The following DIPK1C variants were observed in gnomAD, a reference collection of about 807,000 sequenced individuals.
DIPK1C encodes the protein divergent protein kinase domain 1C.
A neutral mutation model predicts 28.0 loss-of-function variants in DIPK1C; 33 were observed. That is an observed-to-expected ratio of 1.18 (90% confidence interval 0.89 to 1.58). The LOEUF is 1.58. Among genes scored for constraint, DIPK1C ranks in the 40% most tolerant of loss-of-function variants. DIPK1C has a pLI of 0.00. For missense variants in DIPK1C, 569 were observed against 568.5 expected (o/e 1.00, Z -0.01); for synonymous variants, 255 against 248.8 (o/e 1.02, Z -0.23).
chr18:74,438,833 GTCTCTATGGAGTTGTC>G (rs1277946320), intron 3 of DIPK1C, among the ~76,000 whole-genome samples: 1 of 152,186 alleles, frequency 6.6e-6, no homozygotes, highest in Non-Finnish European at 1.5e-5. Flanking sequence ...GGGCTGGGGT[GTCTCTATGGAGTTGTC>G]CCTTAGTGAG....
rs1254352469 is a variant in DIPK1C, at chr18:74,446,760, G to A, written c.722C>T (p.Ala241Val). 6.6e-7 allele frequency: 1 copy of A among 1,524,824 alleles called. No individual in the cohort carries two copies. The highest frequency in any genetic ancestry group is 8.8e-7 in the Non-Finnish European group (1 of 1,133,798). 94.5% of individuals were successfully genotyped at this position (1,524,824 alleles called of 1,614,324 possible). ...CTGGCCACCCCCAGGGGCACCTGGG[G>A]CCCGGTCCAGGGGGAAGAGTGCCCT... ...HHRALFPLDR[A>V]PGAPGGGQAK... The change falls in exon 2 of 4, where the codon GCC (alanine) becomes GTC (valine). Residue 241 changes from alanine to valine, a missense_variant. Coordinates refer to ENST00000343998, the MANE Select transcript of DIPK1C (RefSeq NM_001044369.3).
chr18:74,455,811 G>A (rs906264224), intron 1 of DIPK1C, among the ~76,000 whole-genome samples: 2 of 151,866 alleles, frequency 1.3e-5, no homozygotes, highest in African/African-American at 4.8e-5. Context: ...ACTAGAAGGG[G>A]TCAATAGAAT....
In DIPK1C at chr18:74,447,181, T is replaced by A. The variant is rs1485929223; in HGVS notation, c.301A>T (p.Lys101Ter). The A allele has an allele frequency of 1.6e-5, 25 of 1,550,538 alleles. No homozygotes were observed. The highest frequency in any genetic ancestry group is 2.0e-5 in the Non-Finnish European group (23 of 1,146,980). The part of the protein sequence containing the change: ...FQRCLHYNRG[K>*]KVLQADWRGR... ...CGCCAGTCGGCCTGCAGCACCTTCTTGCCTCTGTTGTAGTGCAGGCAGCGT... is the reference window on the plus strand; with the variant it reads ...CGCCAGTCGGCCTGCAGCACCTTCTAGCCTCTGTTGTAGTGCAGGCAGCGT... Residue 101 changes from lysine (K) to a stop codon, truncating the protein, a stop_gained, in exon 2 of 4, where the codon AAG becomes TAG. Coordinates refer to ENST00000343998, the MANE Select transcript of DIPK1C (RefSeq NM_001044369.3). LOFTEE classifies it high-confidence loss of function. This position sits in a 1 kb window ranked among gnomAD's most constrained non-coding sequence, Gnocchi z 4.1.
At chr18:74,441,868 T>G in intron 3 of DIPK1C, 84 bp downstream of exon 3, 3 of 1,436,542 alleles carry the variant, frequency 2.1e-6, no homozygotes, top group Non-Finnish European at 2.9e-6. Context: ...GACCTTGAGC[T>G]CCACTGAGGG....
intron 1 of DIPK1C, among the ~76,000 whole-genome samples, chr18:74,448,451 A>G (rs1401589807): frequency 6.6e-6 from 1 of 152,234 alleles, no homozygotes; most frequent in Admixed American, 6.5e-5. Flanking sequence ...AAGGCTCAAC[A>G]GTAGCAAAGG....
At chr18:74,462,136 A>G (rs528415549), upstream of DIPK1C, among the ~76,000 whole-genome samples, 3 of 152,254 alleles carry the variant, frequency 2.0e-5, no homozygotes, top group South Asian at 4.1e-4. Flanking sequence ...TTAGGCATTC[A>G]ATTCGGTGAT....
intron 3 of DIPK1C, among the ~76,000 whole-genome samples, chr18:74,441,060 C>A (rs1355211057): frequency 6.6e-6 from 1 of 152,342 alleles, no homozygotes; most frequent in South Asian, 2.1e-4. Context: ...AATCATCCCC[C>A]ATCACAGCTG....
At position 74,447,536 on chromosome 18, in the gene DIPK1C, C is replaced by T. The variant is rs992953790; in HGVS notation, c.199-253G>A. ...GGACGGGTCTACAGAATCAGGACAC[C>T]TGCGGCCGGGAAGCACGACTTCCCA... On this transcript the variant is annotated intron_variant, in intron 1 of 3. Coordinates refer to ENST00000343998, the MANE Select transcript of DIPK1C (RefSeq NM_001044369.3). The surrounding 1 kb of genome is among the most constrained non-coding windows in gnomAD (Gnocchi z 4.1). Among the ~76,000 whole-genome samples, 1 of 152,200 alleles carries T rather than the reference C, an allele frequency of 6.6e-6. No individual in the cohort carries two copies. The highest frequency in any genetic ancestry group is 2.4e-5 in the African/African-American group (1 of 41,458).
upstream of DIPK1C, among the ~76,000 whole-genome samples, chr18:74,459,831 C>G (rs181111973): frequency 3.7e-4 from 56 of 152,286 alleles, no homozygotes; most frequent in Admixed American, 3.2e-3. Flanking sequence ...TCTTCCCCTC[C>G]TCCTTGCACA....
At chr18:74,464,398 C>A in the DIPK1C span, among the ~76,000 whole-genome samples, 37 of 152,192 alleles carry the variant, frequency 2.4e-4, no homozygotes, top group African/African-American at 8.0e-4. Flanking sequence ...AGATTCACAA[C>A]AAAATTAAGA....
Position 74,449,475 on chromosome 18 carries a change from C to G in DIPK1C, c.199-2192G>C, listed in dbSNP as rs146996844. 7.9e-3 allele frequency among the ~76,000 whole-genome samples: 1,209 copies of G among 152,354 alleles called. 12 individuals are homozygous for G. The highest frequency in any genetic ancestry group is 0.012 in the Non-Finnish European group (827 of 68,038). On this transcript the variant is annotated intron_variant, in intron 1 of 3. Coordinates refer to ENST00000343998, the MANE Select transcript of DIPK1C (RefSeq NM_001044369.3). ...CACTCCCAGTGCTTAAAAGAGGTAT[C>G]TAGATATTTTTCAGAACTATTTCAG...
upstream of DIPK1C, among the ~76,000 whole-genome samples, chr18:74,460,675 T>C (rs972714552): frequency 1.3e-5 from 2 of 152,216 alleles, no homozygotes; most frequent in South Asian, 2.1e-4. Context: ...AGATACAGCC[T>C]CGGCCATACT....
At chr18:74,441,844 G>T in intron 3 of DIPK1C, 108 bp downstream of exon 3, 1 of 1,188,820 alleles carries the variant, frequency 8.4e-7, no homozygotes, top group Non-Finnish European at 1.2e-6. Flanking sequence ...CCAGATGGAT[G>T]GCCTGAAAAG....
At chr18:74,445,285 C>T (rs34111161) in intron 2 of DIPK1C, among the ~76,000 whole-genome samples, 45,775 of 152,058 alleles carry the variant, frequency 0.3, 7,772 homozygotes, top group Non-Finnish European at 0.38. Context: ...GAATTGCAGA[C>T]GCGGGTGAGT....
At chr18:74,438,418 G>A (rs2144510337) in intron 3 of DIPK1C, among the ~76,000 whole-genome samples, 1 of 152,180 alleles carries the variant, frequency 6.6e-6, no homozygotes, top group African/African-American at 2.4e-5. Flanking sequence ...TGGGTCAAAG[G>A]GCACGTGCAT....
intron 1 of DIPK1C, among the ~76,000 whole-genome samples, chr18:74,454,737 C>T (rs1986468555): frequency 6.6e-6 from 1 of 152,204 alleles, no homozygotes. Flanking sequence ...CTTGGCAACT[C>T]AGCCCAGCAG....
At chr18:74,436,843 G>C in intron 3 of DIPK1C, 124 bp from the exon 4 acceptor site, 1 of 870,786 alleles carries the variant, frequency 1.1e-6, no homozygotes, top group Middle Eastern at 3.3e-4. Flanking sequence ...GTCCTTCAGG[G>C]AGCACACTCC....
chr18:74,436,532 G>A lies in DIPK1C; in HGVS notation c.1229C>T (p.Thr410Ile), dbSNP rs769494210. 1.2e-5 allele frequency: 19 copies of A among 1,606,116 alleles called. 1 individual carries two copies. The South Asian group carries it at 2.0e-4, about 17-fold the overall frequency. ...FWKLRQLLQA[T>I]LRELQEAEK is the part of the protein sequence containing the mutation. ...CTCTGCCTCCTGCAGCTCCCTCAGTGTGGCTTGGAGGAGTTGGCGAAGCTT... is the reference window on the plus strand; with the variant it reads ...CTCTGCCTCCTGCAGCTCCCTCAGTATGGCTTGGAGGAGTTGGCGAAGCTT... Residue 410 changes from threonine to isoleucine, a missense_variant, in exon 4 of 4, where the codon ACA (threonine) becomes ATA (isoleucine). Coordinates refer to ENST00000343998, the MANE Select transcript of DIPK1C (RefSeq NM_001044369.3).
intron 1 of DIPK1C, among the ~76,000 whole-genome samples, chr18:74,453,516 G>A (rs1986443332): frequency 6.6e-6 from 1 of 152,188 alleles, no homozygotes; most frequent in Non-Finnish European, 1.5e-5. Flanking sequence ...TTCTATCACA[G>A]CAGCAAAGAA....
Sources: gnomAD v4.1 joint callset for allele counts (sites outside exome capture counted in the v4.1 genomes callset) on GRCh38, gnomAD v4.1.1 for gene constraint, Gnocchi (gnomAD v3.1) non-coding constraint, MANE v1.5 for transcripts, NCBI Gene and HGNC (gene_info 2026-07-23, HGNC 2026-07-21) for gene names.